CACNA1C: variants seen among roughly 807,000 people sequenced by gnomAD.
The protein encoded by CACNA1C is calcium voltage-gated channel subunit alpha1 C, also known as voltage-dependent L-type calcium channel subunit alpha-1C.
CACNA1C carries 30 observed loss-of-function variants against 229.0 expected under a neutral mutation model. The observed-to-expected ratio is 0.13, with a 90% confidence interval of 0.10 to 0.18. The LOEUF (loss-of-function observed/expected upper bound fraction) is 0.18. Ranked by LOEUF, CACNA1C falls within the 10% of genes least tolerant of loss-of-function variation. The pLI is 1.00. For missense variants in CACNA1C, 1,658 were observed against 2,845.0 expected (o/e 0.58, Z 9.49); for synonymous variants, 1,114 against 1,132.5 (o/e 0.98, Z 0.33).
intron 3 of CACNA1C, among the ~76,000 whole-genome samples, chr12:2,430,512 C>A (rs939618469): frequency 6.6e-6 from 1 of 152,146 alleles, no homozygotes; most frequent in African/African-American, 2.4e-5. Flanking sequence ...ACCCATCCAC[C>A]CTCACACTTG....
At chr12:2,135,790 G>A (rs7132570) in intron 3 of CACNA1C, among the ~76,000 whole-genome samples, 1 of 146,234 alleles carries the variant, frequency 6.8e-6, no homozygotes, top group Non-Finnish European at 1.5e-5. Flanking sequence ...CAGAGGTGGA[G>A]CCTACAGAGG....
chr12:2,142,452 T>C (rs1172788837), intron 3 of CACNA1C, among the ~76,000 whole-genome samples: 3 of 151,304 alleles, frequency 2.0e-5, no homozygotes, highest in Non-Finnish European at 3.0e-5. Flanking sequence ...TACTTGATAA[T>C]AAATGACTGT....
chr12:2,049,177 T>C (rs772696016), upstream of CACNA1C: 1 of 152,250 alleles, frequency 6.6e-6, no homozygotes, highest in Non-Finnish European at 1.5e-5. Context: ...ATGCGGTGGT[T>C]AAGAGCGTAG....
chr12:2,557,679 A>G (rs2045207667), intron 11 of CACNA1C, among the ~76,000 whole-genome samples: 2 of 152,228 alleles, frequency 1.3e-5, no homozygotes, highest in South Asian at 2.1e-4. Context: ...TTTCTCTGCC[A>G]TTTCACTGGG....
chr12:2,059,877 T>C (rs2056800246), intron 1 of CACNA1C, among the ~76,000 whole-genome samples: 1 of 152,138 alleles, frequency 6.6e-6, no homozygotes, highest in Admixed American at 6.5e-5. Flanking sequence ...TGTTAGTGCT[T>C]CTGGCTAAAT....
intron 8 of CACNA1C, among the ~76,000 whole-genome samples, chr12:2,506,823 C>T (rs556779316): frequency 1.3e-3 from 197 of 152,274 alleles, no homozygotes; most frequent in South Asian, 9.3e-3. Context: ...CACTTTCTTC[C>T]CCTGGAGACT....
At chr12:2,261,942 C>T (rs1321877510) in intron 3 of CACNA1C, among the ~76,000 whole-genome samples, 1 of 152,210 alleles carries the variant, frequency 6.6e-6, no homozygotes, top group Non-Finnish European at 1.5e-5. Context: ...AGGCAAAGCA[C>T]TCACCTCCCC....
chr12:2,225,248 G>C lies in CACNA1C; in HGVS notation c.477+104818G>C, dbSNP rs180679946. ...CAGCACTTATGTAGCATTGCACAAA[G>C]AGAATTATAAAGACTAGATCCCTGC... On this transcript the variant is annotated intron_variant, in intron 3 of 46. Transcript: ENST00000399655. Among the ~76,000 whole-genome samples, 300 of 152,262 alleles carry C rather than the reference G, an allele frequency of 2.0e-3. 2 individuals are homozygous for C. Among genetic ancestry groups the C allele is most frequent in the African/African-American group, 7.0e-3 (292 of 41,552 alleles).
chr12:2,627,095 C>A (rs216017), intron 29 of CACNA1C, among the ~76,000 whole-genome samples: 2 of 152,094 alleles, frequency 1.3e-5, no homozygotes, highest in African/African-American at 4.8e-5. Flanking sequence ...GAGGCAAGCA[C>A]CCAGCCCCCT....
At chr12:2,298,194 C>T (rs1047224066) in intron 3 of CACNA1C, among the ~76,000 whole-genome samples, 1 of 152,232 alleles carries the variant, frequency 6.6e-6, no homozygotes, top group Non-Finnish European at 1.5e-5. Flanking sequence ...GCACCCTGCC[C>T]TCCCCATGAC....
chr12:2,366,510 G>C (rs6489367), intron 3 of CACNA1C, among the ~76,000 whole-genome samples: 118,340 of 152,080 alleles, frequency 0.78, 46,463 homozygotes, highest in Non-Finnish European at 0.83. Context: ...ACTTACTTGT[G>C]TTAATGAAGG....
chr12:2,098,348 A>C (rs923346205), intron 1 of CACNA1C, among the ~76,000 whole-genome samples: 1 of 152,252 alleles, frequency 6.6e-6, no homozygotes, highest in South Asian at 2.1e-4. Flanking sequence ...CATTGTTATT[A>C]AACGGCCTGT....
intron 3 of CACNA1C, among the ~76,000 whole-genome samples, chr12:2,401,038 A>G (rs1420202150): frequency 6.6e-6 from 1 of 152,062 alleles, no homozygotes; most frequent in African/African-American, 2.4e-5. Flanking sequence ...TCGGCCTAGA[A>G]GCCCCCCAAG....
intron 8 of CACNA1C, among the ~76,000 whole-genome samples, chr12:2,511,417 C>T (rs2099783515): frequency 6.6e-6 from 1 of 152,212 alleles, no homozygotes; most frequent in Non-Finnish European, 1.5e-5. Flanking sequence ...GTTTGTGGTG[C>T]TGTCCCTCCT....
chr12:2,095,144 T>C (rs1320904158), intron 1 of CACNA1C, among the ~76,000 whole-genome samples: 1 of 152,206 alleles, frequency 6.6e-6, no homozygotes, highest in African/African-American at 2.4e-5. Flanking sequence ...CTATCTCTTC[T>C]TGGAGGTGGC....
At chr12:2,429,100 G>A (rs1442416174) in intron 3 of CACNA1C, among the ~76,000 whole-genome samples, 1 of 152,034 alleles carries the variant, frequency 6.6e-6, no homozygotes, top group East Asian at 1.9e-4. Context: ...TCCTTGGTTT[G>A]TAGATGCATT....
In CACNA1C at chr12:2,346,785, T is replaced by G. The variant is rs1259672286; in HGVS notation, c.478-102191T>G. Among the ~76,000 whole-genome samples the G allele has an allele frequency of 5.3e-5, 8 of 152,240 alleles. No individual in the cohort carries two copies. The highest frequency in any genetic ancestry group is 1.2e-4 in the Non-Finnish European group (8 of 68,046). On this transcript the variant is annotated intron_variant, in intron 3 of 46. Transcript: ENST00000399655. This position sits in a 1 kb window ranked among gnomAD's most constrained non-coding sequence, Gnocchi z 4.4. ...ACTTGATTTTGCATCCAGCTCATGA[T>G]AAGCATATAGCAGCATATACACAAA...
At chr12:2,367,056 G>A (rs1185163314) in intron 3 of CACNA1C, among the ~76,000 whole-genome samples, 1 of 152,144 alleles carries the variant, frequency 6.6e-6, no homozygotes, top group African/African-American at 2.4e-5. Flanking sequence ...TTTGAGATGA[G>A]ATTTGGGTGG....
chr12:2,077,860 C>T (rs532143042), intron 1 of CACNA1C, among the ~76,000 whole-genome samples: 4 of 152,288 alleles, frequency 2.6e-5, no homozygotes, highest in East Asian at 1.9e-4. Flanking sequence ...GCAAAACTCT[C>T]GGGCTGTATC....
Sources: gnomAD v4.1 joint callset for allele counts (sites outside exome capture counted in the v4.1 genomes callset) on GRCh38, gnomAD v4.1.1 for gene constraint, Gnocchi (gnomAD v3.1) non-coding constraint, MANE v1.5 for transcripts, NCBI Gene and HGNC (gene_info 2026-07-23, HGNC 2026-07-21) for gene names.